Variants in PCDHA12 observed in about 807,000 individuals in gnomAD.
PCDHA12 encodes protocadherin alpha 12, also known as protocadherin alpha-12.
A neutral mutation model predicts 60.0 loss-of-function variants in PCDHA12; 44 were observed. That is an observed-to-expected ratio of 0.73 (90% CI 0.58 to 0.94). The LOEUF is 0.94. Ranked by LOEUF, PCDHA12 falls within the 40% of genes least tolerant of loss-of-function variation. The pLI is 0.00. For synonymous variants in PCDHA12, 569 were observed against 553.0 expected (o/e 1.03, Z -0.40); for missense variants, 1,276 against 1,239.7 (o/e 1.03, Z -0.44).
At chr5:140,885,985 G>A (rs879977606) in intron 1 of PCDHA12, among the ~76,000 whole-genome samples, 3 of 152,110 alleles carry the variant, frequency 2.0e-5, no homozygotes, top group Admixed American at 2.0e-4. Context: ...AGATTCGCAT[G>A]TGGTTGAAAG....
intron 1 of PCDHA12, among the ~76,000 whole-genome samples, chr5:140,974,548 G>A (rs2096631054): frequency 6.6e-6 from 1 of 152,068 alleles, no homozygotes; most frequent in South Asian, 2.1e-4. Context: ...TTTTGCTCTT[G>A]TTGCCCAGGC....
At position 140,926,851 on chromosome 5, in the gene PCDHA12, T is replaced by G. The variant is rs201136210; in HGVS notation, c.2367+49012T>G. On this transcript the variant is annotated intron_variant, in intron 1 of 3. Transcript: ENST00000398631. The stretch of plus-strand genomic sequence containing the variant: ...TCCGGAGCATGGTCCTGGGTCACCG[T>G]TGGTGTAGCGTGTTGGTGGAACGTG... 3 of 1,517,102 alleles carry G rather than the reference T, an allele frequency of 2.0e-6. No homozygotes were observed. In the African/African-American group the frequency reaches 4.2e-5, roughly 21 times the overall value. The allele number at this position is 1,517,102 out of a possible 1,614,324, so 94.0% of individuals were successfully genotyped here.
chr5:140,968,635 T>C, intron 1 of PCDHA12: 1 of 1,614,190 alleles, frequency 6.2e-7, no homozygotes, highest in East Asian at 2.2e-5. Context: ...TTTTTTACCA[T>C]CTAGCCCAGA....
At chr5:140,921,621 A>G (rs1274986378) in intron 1 of PCDHA12, among the ~76,000 whole-genome samples, 1 of 152,222 alleles carries the variant, frequency 6.6e-6, no homozygotes, top group African/African-American at 2.4e-5. Context: ...ATATCATCAG[A>G]TCATCATTAT....
chr5:140,935,554 GA>G (rs2090429733), intron 1 of PCDHA12, among the ~76,000 whole-genome samples: 1 of 152,134 alleles, frequency 6.6e-6, no homozygotes, highest in Non-Finnish European at 1.5e-5. Flanking sequence ...AAGTATCTTG[GA>G]AAAGTTCCTC....
chr5:140,952,338 CAAA>C (rs55931446), intron 1 of PCDHA12, among the ~76,000 whole-genome samples: 80,539 of 134,836 alleles, frequency 0.6, 22,945 homozygotes, highest in African/African-American at 0.71. Context: ...AACTCCATCT[CAAA>C]AAAAAAAAAA....
intron 1 of PCDHA12, among the ~76,000 whole-genome samples, chr5:140,920,166 A>G (rs539079245): frequency 2.2e-4 from 34 of 152,328 alleles, no homozygotes; most frequent in African/African-American, 7.9e-4. Flanking sequence ...AACTGTCTTA[A>G]GCAACCCAGT....
rs782212784 is a variant in PCDHA12 at position 140,883,583 on chromosome 5, G to A, written c.2367+5744G>A. ...GGGCTCGCCTTCGCTGTGGGCCACGGCCAGCGTGTCGGTGGGGGTGGCCGA... is the reference window on the plus strand; with the variant it reads ...GGGCTCGCCTTCGCTGTGGGCCACGACCAGCGTGTCGGTGGGGGTGGCCGA... On this transcript the variant is annotated intron_variant, in intron 1 of 3. Coordinates refer to ENST00000398631, the MANE Select transcript of PCDHA12 (RefSeq NM_018903.4). The A allele has an allele frequency of 1.9e-5, 31 of 1,613,916 alleles. No individual in the cohort carries two copies. The African/African-American group carries it at 3.7e-4, about 19-fold the overall frequency.
At chr5:140,938,907 A>T (rs2092260332) in intron 1 of PCDHA12, among the ~76,000 whole-genome samples, 1 of 152,090 alleles carries the variant, frequency 6.6e-6, no homozygotes, top group Non-Finnish European at 1.5e-5. Context: ...GCACACACAC[A>T]CACGCACAAG....
intron 1 of PCDHA12, among the ~76,000 whole-genome samples, chr5:140,923,099 G>A (rs1164124655): frequency 6.6e-6 from 1 of 152,168 alleles, no homozygotes; most frequent in Non-Finnish European, 1.5e-5. Flanking sequence ...ACCAATGGGA[G>A]TATGATTTTA....
At chr5:140,948,861 A>G (rs1298940496) in intron 1 of PCDHA12, among the ~76,000 whole-genome samples, 1 of 151,528 alleles carries the variant, frequency 6.6e-6, no homozygotes, top group African/African-American at 2.4e-5. Flanking sequence ...TTCTTATATT[A>G]CTTCGGGTTT....
chr5:140,939,710 T>A (rs1317905162), intron 1 of PCDHA12, among the ~76,000 whole-genome samples: 8 of 152,230 alleles, frequency 5.3e-5, no homozygotes, highest in Non-Finnish European at 1.2e-4. Context: ...ATTTGTGAGA[T>A]ACATTTATAT....
chr5:140,884,490 G>A (rs2060210547), intron 1 of PCDHA12: 1 of 1,614,064 alleles, frequency 6.2e-7, no homozygotes, highest in Non-Finnish European at 8.5e-7. Flanking sequence ...ACTCTAGTGT[G>A]CTCCAGCGCG....
intron 1 of PCDHA12, among the ~76,000 whole-genome samples, chr5:140,878,595 A>G (rs1413193453): frequency 6.6e-6 from 1 of 152,192 alleles, no homozygotes; most frequent in East Asian, 1.9e-4. Flanking sequence ...CCTATTACCA[A>G]GTGAATCTTC....
chr5:140,922,350 G>A (rs2080793001), intron 1 of PCDHA12, among the ~76,000 whole-genome samples: 11 of 152,212 alleles, frequency 7.2e-5, no homozygotes, highest in Admixed American at 7.2e-4. Context: ...GTATTTTCTA[G>A]AGTAGTGATT....
chr5:140,928,452 G>A (rs1284379241), intron 1 of PCDHA12: 1 of 1,614,008 alleles, frequency 6.2e-7, no homozygotes, highest in Non-Finnish European at 8.5e-7. Flanking sequence ...AGCTCAGGGG[G>A]TTTCATTTCC....
intron 1 of PCDHA12, among the ~76,000 whole-genome samples, chr5:140,949,674 C>G (rs2153687219): frequency 6.6e-6 from 1 of 151,738 alleles, no homozygotes; most frequent in South Asian, 2.1e-4. Context: ...AAAGTATGCC[C>G]TTGTTGAAGC....
At chr5:140,955,989 A>C (rs2095245782) in intron 1 of PCDHA12, among the ~76,000 whole-genome samples, 1 of 152,172 alleles carries the variant, frequency 6.6e-6, no homozygotes, top group Non-Finnish European at 1.5e-5. Flanking sequence ...ATTTTTGCAC[A>C]TTGATTTTGT....
intron 1 of PCDHA12, among the ~76,000 whole-genome samples, chr5:140,966,026 G>C (rs1586101729): frequency 6.6e-6 from 1 of 152,290 alleles, no homozygotes; most frequent in Non-Finnish European, 1.5e-5. Context: ...TGGGAGTCAG[G>C]TGAATAGTTC....
Sources: gnomAD v4.1 joint callset for allele counts (sites outside exome capture counted in the v4.1 genomes callset) on GRCh38, gnomAD v4.1.1 for gene constraint, MANE v1.5 for transcripts, NCBI Gene and HGNC (gene_info 2026-07-23, HGNC 2026-07-21) for gene names.